Variants in RNF17 observed in about 807,000 individuals in gnomAD.
RNF17 encodes ring finger protein 17, also known as spermatogenesis associated 23.
RNF17 carries 31 observed loss-of-function variants against 200.5 expected under a neutral mutation model. That is an observed-to-expected ratio of 0.15 (90% CI 0.12 to 0.21). The LOEUF (loss-of-function observed/expected upper bound fraction) is 0.21, where lower values mean the gene tolerates loss of function less well. Ranked by LOEUF, RNF17 falls within the 10% of genes least tolerant of loss-of-function variation. RNF17 has a pLI of 1.00. For missense variants in RNF17, 1,628 were observed against 1,905.1 expected, an observed-to-expected ratio of 0.85 and a Z score of 2.71; for synonymous variants, 606 against 637.8, an observed-to-expected ratio of 0.95 and a Z score of 0.75.
chr13:24,784,018 G>A (rs1218901582), intron 6 of RNF17, among the ~76,000 whole-genome samples: 3 of 152,146 alleles, frequency 2.0e-5, no homozygotes, highest in African/African-American at 7.2e-5. Flanking sequence ...TTTCCATATA[G>A]GGTCTTTATT....
chr13:24,767,263 C>T lies in RNF17; in HGVS notation c.131-9C>T. On this transcript the variant is annotated splice_polypyrimidine_tract_variant and intron_variant, in intron 1 of 35. Transcript: ENST00000255324. Reference sequence around the variant, plus strand: ...TCATCAAAATAATAATTAAGAATTTCATCAATAGGTCACCATTGTGAACTT... The same window carrying T: ...TCATCAAAATAATAATTAAGAATTTTATCAATAGGTCACCATTGTGAACTT... 1 of 1,564,096 alleles carries T rather than the reference C, an allele frequency of 6.4e-7. No homozygotes were observed. The highest frequency in any genetic ancestry group is 8.8e-7 in the Non-Finnish European group (1 of 1,136,638).
intron 33 of RNF17, among the ~76,000 whole-genome samples, chr13:24,875,135 A>T (rs968881521): frequency 6.6e-6 from 1 of 152,214 alleles, no homozygotes; most frequent in Admixed American, 6.5e-5. Context: ...CACCAAAATA[A>T]ATTTGTACTA....
intron 2 of RNF17, among the ~76,000 whole-genome samples, chr13:24,770,452 T>C (rs936971908): frequency 6.6e-6 from 1 of 152,176 alleles, no homozygotes; most frequent in African/African-American, 2.4e-5. Context: ...CTGGAAGAAA[T>C]GTCCTGCATC....
chr13:24,879,527 T>C (rs754269874), intron 35 of RNF17, among the ~76,000 whole-genome samples: 3 of 152,090 alleles, frequency 2.0e-5, no homozygotes, highest in African/African-American at 7.2e-5. Flanking sequence ...CCAGGGTACA[T>C]AGGGAGAGCA....
At chr13:24,849,065 C>T (rs1891563080) in intron 22 of RNF17, among the ~76,000 whole-genome samples, 1 of 152,116 alleles carries the variant, frequency 6.6e-6, no homozygotes, top group East Asian at 1.9e-4. Flanking sequence ...TGGCATACAC[C>T]TTTAGCACCA....
the RNF17 span, chr13:24,886,327 G>A: frequency 9.3e-6 from 12 of 1,289,282 alleles, no homozygotes; most frequent in African/African-American, 1.5e-5. Flanking sequence ...TGAAGGAGGA[G>A]AGCGGAGGCA....
intron 4 of RNF17, among the ~76,000 whole-genome samples, chr13:24,779,010 G>A (rs188221319): frequency 2.0e-5 from 3 of 152,210 alleles, no homozygotes; most frequent in East Asian, 3.9e-4. Context: ...CCAACATGGC[G>A]AAACCCCATC....
chr13:24,800,330 A>G (rs750631328), intron 12 of RNF17, 36 bp from the exon 13 acceptor site: 3 of 1,439,652 alleles, frequency 2.1e-6, no homozygotes, highest in South Asian at 1.4e-5. Flanking sequence ...AGTTTGAAGC[A>G]TTATTTTCAA....
At chr13:24,797,705 A>AGTGTGTGTGTCTGT (rs61635829) in intron 11 of RNF17, among the ~76,000 whole-genome samples, 3,310 of 119,044 alleles carry the variant, frequency 0.028, 68 homozygotes, top group Non-Finnish European at 0.04. Flanking sequence ...AGAGACAAAG[A>AGTGTGTGTGTCTGT]GTGTGTGTGT....
At chr13:24,869,721 A>G (rs1894040691) in intron 31 of RNF17, among the ~76,000 whole-genome samples, 1 of 152,160 alleles carries the variant, frequency 6.6e-6, no homozygotes, top group African/African-American at 2.4e-5. Context: ...ATGTCCTTGT[A>G]AGCCAGTCTC....
intron 12 of RNF17, 92 bp downstream of exon 12, chr13:24,799,676 G>T: frequency 2.7e-6 from 2 of 746,244 alleles, no homozygotes; most frequent in South Asian, 2.0e-5. Flanking sequence ...GAGGTAGAGA[G>T]GAGTAATTTG....
In RNF17 at chr13:24,796,166, G is replaced by A. The variant is rs749863602; in HGVS notation, c.1270G>A (p.Val424Ile). Residue 424 changes from valine to isoleucine, a missense_variant, in exon 11 of 36, where the codon GTA (valine) becomes ATA (isoleucine). This residue lies in a region of RNF17 where 502 missense variants were observed against 501.7 expected (regional missense o/e 1.00). Transcript: ENST00000255324. Reference protein sequence around the residue: ...SSAELVFVSHVIDPCHFYIRK... With the variant: ...SSAELVFVSHIIDPCHFYIRK... ...TGCAGAGCTAGTTTTTGTAAGCCAT[G>A]TAATAGATCCTTGCCATTTCTACAT... The A allele has an allele frequency of 1.9e-6, 3 of 1,611,476 alleles. No homozygotes were observed. The highest frequency in any genetic ancestry group is 2.2e-5 in the East Asian group (1 of 44,804).
chr13:24,750,496 T>C, the RNF17 span, among the ~76,000 whole-genome samples: 2 of 152,210 alleles, frequency 1.3e-5, no homozygotes, highest in Admixed American at 6.5e-5. Context: ...TATGCAAACA[T>C]TGATCTACTT....
intron 32 of RNF17, 24 bp from the exon 33 acceptor site, chr13:24,874,087 ATTT>A (rs762126482): frequency 1.2e-6 from 2 of 1,602,860 alleles, no homozygotes; most frequent in East Asian, 4.5e-5. Context: ...AGACAATATG[ATTT>A]TTTCCCTTTT....
At chr13:24,858,064 C>T (rs17081274) in intron 25 of RNF17, among the ~76,000 whole-genome samples, 16,292 of 152,060 alleles carry the variant, frequency 0.11, 1,073 homozygotes, top group Admixed American at 0.14. Context: ...TAACCTGGGC[C>T]CATCAGAATA....
chr13:24,848,210 T>C (rs556741318), intron 22 of RNF17, among the ~76,000 whole-genome samples: 2 of 152,330 alleles, frequency 1.3e-5, no homozygotes, highest in Admixed American at 1.3e-4. Context: ...TGAGTTAGGA[T>C]TATAAACACA....
At chr13:24,862,565 T>C (rs1893205603) in intron 27 of RNF17, 148 bp from the exon 28 acceptor site, 1 of 547,652 alleles carries the variant, frequency 1.8e-6, no homozygotes, top group South Asian at 2.5e-5. Flanking sequence ...TTTTATCATG[T>C]ACCTATGATA....
chr13:24,840,237 T>C (rs978041884), intron 18 of RNF17, among the ~76,000 whole-genome samples: 1 of 152,038 alleles, frequency 6.6e-6, no homozygotes, highest in Admixed American at 6.6e-5. Context: ...AATAGATGCA[T>C]GCGTGGGGTG....
At chr13:24,798,389 T>C (rs1884853961) in intron 11 of RNF17, among the ~76,000 whole-genome samples, 1 of 152,090 alleles carries the variant, frequency 6.6e-6, no homozygotes, top group Admixed American at 6.6e-5. Flanking sequence ...AAGAGAAGGG[T>C]CACTGACAAA....
Sources: gnomAD v4.1 joint callset for allele counts (sites outside exome capture counted in the v4.1 genomes callset) on GRCh38, gnomAD v4.1.1 for gene constraint, gnomAD v4.1.1 regional missense constraint, MANE v1.5 for transcripts, NCBI Gene and HGNC (gene_info 2026-07-23, HGNC 2026-07-21) for gene names.